The following ZSWIM5 variants were observed in gnomAD, a reference collection of about 807,000 sequenced individuals.
The protein encoded by ZSWIM5 is zinc finger SWIM-type containing 5.
ZSWIM5 carries 55 observed loss-of-function variants against 119.6 expected under a neutral mutation model. The observed-to-expected ratio is 0.46, with a 90% CI of 0.37 to 0.58. The LOEUF (loss-of-function observed/expected upper bound fraction) is 0.58. Among genes scored for constraint, ZSWIM5 ranks in the 20% least tolerant of loss-of-function variants. The probability of loss-of-function intolerance (pLI) is 0.00; values close to 1 mark genes in which losing one functional copy is unlikely to be tolerated. For missense variants in ZSWIM5, 1,193 were observed against 1,512.8 expected, an observed-to-expected ratio of 0.79 and a Z score of 3.51; for synonymous variants, 537 against 606.9, an observed-to-expected ratio of 0.88 and a Z score of 1.69.
chr1:45,096,360 G>A (rs555364258), intron 1 of ZSWIM5, among the ~76,000 whole-genome samples: 8 of 148,642 alleles, frequency 5.4e-5, no homozygotes, highest in East Asian at 2.1e-4. Context: ...GTAAAACATC[G>A]CTATTTTGTT....
chr1:45,019,436 T>C lies in ZSWIM5; in HGVS notation c.2696-120A>G. ...ATGAATTCTTCCTCCTCAGCAACCT[T>C]GAGATGATATGAGGCAAACCAGGGC... On this transcript the variant is annotated intron_variant, in intron 13 of 13. Transcript: ENST00000359600. This position sits in a 1 kb window ranked among gnomAD's most constrained non-coding sequence, Gnocchi z 5.0. The C allele has an allele frequency of 7.5e-7, 1 of 1,341,212 alleles. No homozygotes were observed. Among genetic ancestry groups the C allele is most frequent in the Non-Finnish European group, 1.0e-6 (1 of 1,000,010 alleles). The allele number at this position is 1,341,212 out of a possible 1,614,324, so 83.1% of individuals were successfully genotyped here. A position where few individuals can be genotyped will look rare whatever the true frequency, so the allele number is the denominator to read the frequency against.
At chr1:45,197,958 A>C (rs1006851820) in intron 1 of ZSWIM5, among the ~76,000 whole-genome samples, 37 of 152,252 alleles carry the variant, frequency 2.4e-4, no homozygotes, top group Non-Finnish European at 4.7e-4. Context: ...AGCAGTTTAC[A>C]AATGGATAAC....
At chr1:45,125,763 C>CAAA (rs1645617413) in intron 1 of ZSWIM5, among the ~76,000 whole-genome samples, 2 of 124,164 alleles carry the variant, frequency 1.6e-5, no homozygotes, top group African/African-American at 6.6e-5. Context: ...AACTCCGTTT[C>CAAA]ACAAAAAAAA....
At chr1:45,147,422 TAGAC>T (rs1416319685) in intron 1 of ZSWIM5, among the ~76,000 whole-genome samples, 18 of 152,062 alleles carry the variant, frequency 1.2e-4, no homozygotes, top group South Asian at 4.1e-4. Context: ...GGAAAAGAGA[TAGAC>T]AGACAGATAT....
In ZSWIM5 at chr1:45,019,511, C is replaced by T. The variant is rs1557737667; in HGVS notation, c.2696-195G>A. On this transcript the variant is annotated intron_variant, in intron 13 of 13. Transcript: ENST00000359600. The surrounding 1 kb of genome is among the most constrained non-coding windows in gnomAD (Gnocchi z 5.0). Reference sequence around the variant, plus strand: ...ACCCTGTTTGGGGTCTCTTCCTATCCCTTCTTTCCCCAGGTCAGAGAGTTG... The same window carrying T: ...ACCCTGTTTGGGGTCTCTTCCTATCTCTTCTTTCCCCAGGTCAGAGAGTTG... 2.0e-5 allele frequency among the ~76,000 whole-genome samples: 3 copies of T among 152,190 alleles called. No individual in the cohort carries two copies. Among genetic ancestry groups the T allele is most frequent in the Non-Finnish European group, 4.4e-5 (3 of 68,036 alleles).
intron 5 of ZSWIM5, among the ~76,000 whole-genome samples, chr1:45,050,657 A>C (rs1352264017): frequency 1.3e-5 from 2 of 152,190 alleles, no homozygotes; most frequent in Non-Finnish European, 2.9e-5. Context: ...TGAGGAAAAC[A>C]GAAGTAAGAA....
chr1:45,042,304 A>T (rs1194220335), intron 6 of ZSWIM5, among the ~76,000 whole-genome samples: 3 of 152,198 alleles, frequency 2.0e-5, no homozygotes, highest in African/African-American at 7.2e-5. Flanking sequence ...TTAATTAAAA[A>T]CACCTGACCA....
At chr1:45,181,517 A>G (rs980637483) in intron 1 of ZSWIM5, among the ~76,000 whole-genome samples, 2 of 146,524 alleles carry the variant, frequency 1.4e-5, no homozygotes, top group African/African-American at 2.6e-5. Flanking sequence ...TGTGCAGGAT[A>G]TTATCCAGAA....
chr1:45,165,041 T>A (rs969797396), intron 1 of ZSWIM5, among the ~76,000 whole-genome samples: 4 of 152,048 alleles, frequency 2.6e-5, no homozygotes, highest in Non-Finnish European at 5.9e-5. Flanking sequence ...TCACACTTAT[T>A]CCAAAATTGA....
intron 1 of ZSWIM5, among the ~76,000 whole-genome samples, chr1:45,153,607 T>G (rs1433513229): frequency 4.0e-5 from 6 of 151,792 alleles, no homozygotes; most frequent in Admixed American, 3.9e-4. Flanking sequence ...AAAACACACA[T>G]GCACTCATAT....
At chr1:45,059,521 A>G (rs946388894) in intron 3 of ZSWIM5, among the ~76,000 whole-genome samples, 2 of 152,128 alleles carry the variant, frequency 1.3e-5, no homozygotes, top group African/African-American at 4.8e-5. Flanking sequence ...CATAGAGGAC[A>G]AGGGAGGGAT....
Position 45,081,282 on chromosome 1 carries a change from T to C in ZSWIM5, c.952+6599A>G, listed in dbSNP as rs982052449. Among the ~76,000 whole-genome samples the C allele has an allele frequency of 2.6e-3, 379 of 146,336 alleles. 1 individual carries two copies. Among genetic ancestry groups the C allele is most frequent in the African/African-American group, 9.3e-3 (364 of 39,244 alleles). ...CTCCCTCTCCCTCTCCCTCTCCCCA[T>C]GGTCTCCCTCTCCCCATGGTCTCCC... On this transcript the variant is annotated intron_variant, in intron 2 of 13. Coordinates refer to ENST00000359600, the MANE Select transcript of ZSWIM5 (RefSeq NM_020883.2).
chr1:45,108,829 T>C (rs1171807116), intron 1 of ZSWIM5, among the ~76,000 whole-genome samples: 1 of 152,190 alleles, frequency 6.6e-6, no homozygotes, highest in Non-Finnish European at 1.5e-5. Context: ...ATAAATATCA[T>C]AAAAACTATA....
Position 45,072,776 on chromosome 1 carries a change from G to A in ZSWIM5, c.953-12529C>T, listed in dbSNP as rs1173272867. On this transcript the variant is annotated intron_variant, in intron 2 of 13. Transcript: ENST00000359600. This position sits in a 1 kb window ranked among gnomAD's most constrained non-coding sequence, Gnocchi z 4.1. ...CTAGGTTTTCTATTCTGTTCCATTG[G>A]TCTGTGTGTCTATTTTATGACAGTA... Among the ~76,000 whole-genome samples, 1 of 151,872 alleles carries A rather than the reference G, an allele frequency of 6.6e-6. No individual in the cohort carries two copies. The highest frequency in any genetic ancestry group is 6.6e-5 in the Admixed American group (1 of 15,256).
chr1:45,044,672 C>G, intron 5 of ZSWIM5, among the ~76,000 whole-genome samples: 1 of 111,894 alleles, frequency 8.9e-6, no homozygotes. Context: ...TGCAGTGAGC[C>G]GAGATCGCGC....
chr1:45,144,434 T>G (rs1005615234), intron 1 of ZSWIM5, among the ~76,000 whole-genome samples: 2 of 150,990 alleles, frequency 1.3e-5, no homozygotes, highest in Admixed American at 1.3e-4. Context: ...CCTTGGGAGG[T>G]TGAGACAGGA....
At chr1:45,194,851 T>C (rs1372287250) in intron 1 of ZSWIM5, among the ~76,000 whole-genome samples, 4 of 150,770 alleles carry the variant, frequency 2.7e-5, no homozygotes, top group African/African-American at 9.8e-5. Context: ...CACACCAGCC[T>C]GGGCAACAGA....
At chr1:45,204,107 T>C (rs529247827) in intron 1 of ZSWIM5, among the ~76,000 whole-genome samples, 8 of 152,230 alleles carry the variant, frequency 5.3e-5, no homozygotes, top group African/African-American at 1.7e-4. Flanking sequence ...AGTGACACTT[T>C]AGTTACTTTA....
chr1:45,054,025 G>A (rs1391679037), intron 4 of ZSWIM5, among the ~76,000 whole-genome samples: 5 of 152,072 alleles, frequency 3.3e-5, no homozygotes, highest in Admixed American at 3.3e-4. Flanking sequence ...TCTCATGCTT[G>A]TAATACCAGT....
Sources: allele counts gnomAD v4.1 joint callset (sites outside exome capture counted in the v4.1 genomes callset), GRCh38; gene constraint gnomAD v4.1.1; non-coding constraint Gnocchi (gnomAD v3.1); transcripts MANE v1.5; gene names NCBI Gene and HGNC (gene_info 2026-07-23, HGNC 2026-07-21).